The following GYG2 variants were observed in gnomAD, a reference collection of about 807,000 sequenced individuals.
The protein encoded by GYG2 is glycogenin-2.
GYG2 carries 29 observed loss-of-function variants against 29.4 expected under a neutral mutation model. The ratio of observed to expected loss-of-function variants is 0.99; its 90% CI spans 0.74 to 1.35. The LOEUF is 1.35. Among genes scored for constraint, GYG2 ranks in the 40% most tolerant of loss-of-function variants. The pLI is 0.00. For missense variants in GYG2, 370 were observed against 385.7 expected (o/e 0.96, Z 0.34); for synonymous variants, 167 against 172.3 (o/e 0.97, Z 0.24).
chrX:2,875,597 G>A (rs761342772), intron 8 of GYG2, among the ~76,000 whole-genome samples: 1 of 108,646 alleles, frequency 9.2e-6, no homozygotes, highest in East Asian at 2.9e-4. Context: ...CCAGGTGCAA[G>A]GAGGTCACAA....
rs1603459252 is a variant in GYG2, at chrX:2,854,131, G to A, written c.301G>A (p.Val101Ile). The A allele has an allele frequency of 8.4e-7, 1 of 1,196,543 alleles. No homozygotes were observed. The highest frequency in any genetic ancestry group is 1.7e-5 in the African/African-American group (1 of 57,674). ...CWTLTHYSKCVFLDADTLVLS... is the reference protein window; with the variant it reads ...CWTLTHYSKCIFLDADTLVLS... ...GACTCTCACTCACTACAGCAAGTGTGTCTTCCTGGATGCAGACACTCTGGT... is the reference window on the plus strand; with the variant it reads ...GACTCTCACTCACTACAGCAAGTGTATCTTCCTGGATGCAGACACTCTGGT... Residue 101 changes from valine to isoleucine, a missense_variant, in exon 4 of 11, where the codon GTC becomes ATC. Transcript: ENST00000398806.
intron 6 of GYG2, among the ~76,000 whole-genome samples, chrX:2,858,493 C>T (rs143635770): frequency 9.9e-5 from 11 of 110,589 alleles, no homozygotes; most frequent in African/African-American, 2.6e-4. Context: ...AGAATCCACA[C>T]GGACAAAGCT....
chrX:2,879,270 C>CTTT (rs752455317), intron 10 of GYG2, among the ~76,000 whole-genome samples: 1 of 93,430 alleles, frequency 1.1e-5, no homozygotes, highest in Non-Finnish European at 2.2e-5. Flanking sequence ...TATCTATTTT[C>CTTT]TTTTTTTTTT....
intron 2 of GYG2, among the ~76,000 whole-genome samples, chrX:2,841,058 T>C (rs1486821982): frequency 9.1e-6 from 1 of 109,967 alleles, no homozygotes; most frequent in Non-Finnish European, 1.9e-5. Context: ...AGATCGATTA[T>C]AGTAAGATAG....
chrX:2,847,895 T>G (rs1453890944), intron 3 of GYG2, among the ~76,000 whole-genome samples: 1 of 111,703 alleles, frequency 9.0e-6, no homozygotes, highest in African/African-American at 3.2e-5. Flanking sequence ...TGCAGGGTGT[T>G]GAGCAGCGTC....
In GYG2 at chrX:2,854,044, A is replaced by C; in HGVS notation, c.214A>C (p.Ile72Leu). 8.4e-7 allele frequency: 1 copy of C among 1,197,286 alleles called. No homozygotes were observed. Residue 72 changes from isoleucine (I) to leucine (L), a missense_variant, in exon 4 of 11, where the codon ATC becomes CTC. Coordinates refer to ENST00000398806, the MANE Select transcript of GYG2 (RefSeq NM_001079855.2). ...GAATCTAATCGATAGTGCCGACTAC[A>C]TCCACCTGGCCTTTCTGAAGAGACC... ...EVNLIDSADY[I>L]HLAFLKRPEL... is the part of the protein sequence containing the mutation.
chrX:2,863,969 T>A (rs1273238969), intron 8 of GYG2, among the ~76,000 whole-genome samples: 7 of 111,801 alleles, frequency 6.3e-5, no homozygotes, highest in African/African-American at 2.3e-4. Flanking sequence ...GCAACCAAGT[T>A]TAGACTGTAA....
intron 8 of GYG2, 88 bp from the exon 9 acceptor site, chrX:2,875,721 GA>G: frequency 3.3e-6 from 2 of 602,779 alleles, no homozygotes; most frequent in Non-Finnish European, 2.7e-6. Flanking sequence ...CATAGAGGCA[GA>G]AAAAAATGGA....
intron 9 of GYG2, among the ~76,000 whole-genome samples, chrX:2,876,946 C>G (rs2088616471): frequency 9.1e-6 from 1 of 109,880 alleles, no homozygotes; most frequent in Non-Finnish European, 1.9e-5. Context: ...GAGACTCCGT[C>G]TCAAAAAAAA....
At chrX:2,861,456 C>A in intron 7 of GYG2, 66 bp from the exon 8 acceptor site, 1 of 926,221 alleles carries the variant, frequency 1.1e-6, no homozygotes, top group Non-Finnish European at 1.6e-6. Flanking sequence ...CCACCCGCCC[C>A]CCAGGACAGC....
intron 8 of GYG2, among the ~76,000 whole-genome samples, chrX:2,874,651 C>T (rs2088554683): frequency 8.9e-6 from 1 of 112,110 alleles, no homozygotes; most frequent in Admixed American, 9.5e-5. Flanking sequence ...TTAATCTTCA[C>T]TACCTACCTC....
chrX:2,859,699 C>A lies in GYG2; in HGVS notation c.615-144C>A. 3 of 442,286 alleles carry A rather than the reference C, an allele frequency of 6.8e-6. No individual in the cohort carries two copies. In the Admixed American group the frequency reaches 1.3e-4, roughly 19 times the overall value. 36.4% of individuals were successfully genotyped at this position (442,286 alleles called of 1,213,427 possible). ...ACTATGCTGATAGTAGTAGTATCAT[C>A]AGTAATAATAATCAATAATGGAAAC... On this transcript the variant is annotated intron_variant, in intron 6 of 10. Coordinates refer to ENST00000398806, the MANE Select transcript of GYG2 (RefSeq NM_001079855.2).
chrX:2,830,812 A>G (rs751702274), intron 2 of GYG2, among the ~76,000 whole-genome samples: 149 of 112,398 alleles, frequency 1.3e-3, no homozygotes, highest in African/African-American at 4.7e-3. Flanking sequence ...AGTCCCAGCT[A>G]CTAGGGAAGC....
intron 10 of GYG2, among the ~76,000 whole-genome samples, chrX:2,878,648 A>G (rs935856159): frequency 2.7e-5 from 3 of 111,670 alleles, no homozygotes; most frequent in African/African-American, 9.8e-5. Context: ...GAGGGGTATT[A>G]AAAAGGAGAG....
At chrX:2,830,749 C>T (rs2087245799) in intron 2 of GYG2, among the ~76,000 whole-genome samples, 1 of 111,398 alleles carries the variant, frequency 9.0e-6, no homozygotes, top group African/African-American at 3.3e-5. Context: ...AGGGAGACCA[C>T]ATCTCTAGGA....
At chrX:2,843,480 C>T (rs2087552371) in intron 3 of GYG2, 126 bp downstream of exon 3, 3 of 502,871 alleles carry the variant, frequency 6.0e-6, no homozygotes, top group African/African-American at 4.8e-5. Flanking sequence ...GGATGGCCGG[C>T]AGTCATGATG....
At chrX:2,877,598 A>G (rs2088631882) in intron 10 of GYG2, 1 of 751,896 alleles carries the variant, frequency 1.3e-6, no homozygotes, top group African/African-American at 2.3e-5. Context: ...GGACTGTGGA[A>G]ATTAATGCGT....
intron 8 of GYG2, among the ~76,000 whole-genome samples, chrX:2,863,711 A>C (rs2088229692): frequency 8.9e-6 from 1 of 111,975 alleles, no homozygotes; most frequent in East Asian, 2.8e-4. Context: ...AAGACTGAGG[A>C]GGTGTAAAAT....
At chrX:2,860,370 TACG>T (rs1168759399) in intron 7 of GYG2, among the ~76,000 whole-genome samples, 1 of 111,402 alleles carries the variant, frequency 9.0e-6, no homozygotes, top group African/African-American at 3.3e-5. Flanking sequence ...AATGACTGAT[TACG>T]ACGTCATTCG....
Sources: gnomAD v4.1 joint callset for allele counts (sites outside exome capture counted in the v4.1 genomes callset) on GRCh38, gnomAD v4.1.1 for gene constraint, MANE v1.5 for transcripts, NCBI Gene and HGNC (gene_info 2026-07-23, HGNC 2026-07-21) for gene names.